The following C1orf94 variants were observed in gnomAD, a reference collection of about 807,000 sequenced individuals.
C1orf94 encodes the protein uncharacterized protein C1orf94.
Under a neutral mutation model 53.6 loss-of-function variants are expected in C1orf94, and 45 were observed. The observed-to-expected ratio is 0.84, with a 90% CI of 0.66 to 1.08. C1orf94 has a LOEUF of 1.08. Ranked by LOEUF, C1orf94 falls within the 50% of genes least tolerant of loss-of-function variation. C1orf94 has a pLI of 0.00. For synonymous variants in C1orf94, 304 were observed against 296.1 expected (o/e 1.03, Z -0.27); for missense variants, 762 against 738.9 (o/e 1.03, Z -0.36).
At chr1:34,178,795 G>A (rs1642270287) in intron 1 of C1orf94, among the ~76,000 whole-genome samples, 1 of 152,124 alleles carries the variant, frequency 6.6e-6, no homozygotes, top group African/African-American at 2.4e-5. Context: ...GAGCAGAGAG[G>A]AAAAAGGGAA....
chr1:34,217,065 G>C (rs1213198493), intron 6 of C1orf94, among the ~76,000 whole-genome samples: 4 of 152,212 alleles, frequency 2.6e-5, no homozygotes, highest in Non-Finnish European at 4.4e-5. Flanking sequence ...GGGTGACAGA[G>C]TAAGACTCTG....
chr1:34,205,593 G>A (rs1383719537), intron 4 of C1orf94, among the ~76,000 whole-genome samples: 1 of 152,202 alleles, frequency 6.6e-6, no homozygotes, highest in Non-Finnish European at 1.5e-5. Flanking sequence ...CCATGGAAGG[G>A]TAAAGACTCT....
At chr1:34,176,768 A>T (rs1319122433), upstream of C1orf94, among the ~76,000 whole-genome samples, 1 of 152,114 alleles carries the variant, frequency 6.6e-6, no homozygotes, top group African/African-American at 2.4e-5. Flanking sequence ...GCAGGAGCTG[A>T]GATTTGTGTG....
At chr1:34,185,088 A>G (rs1333131943) in intron 1 of C1orf94, among the ~76,000 whole-genome samples, 2 of 152,210 alleles carry the variant, frequency 1.3e-5, no homozygotes, top group African/African-American at 4.8e-5. Flanking sequence ...GAATGATTTC[A>G]GAGACCCCGT....
At chr1:34,179,936 G>A (rs1326140498) in intron 1 of C1orf94, among the ~76,000 whole-genome samples, 1 of 152,126 alleles carries the variant, frequency 6.6e-6, no homozygotes, top group Admixed American at 6.6e-5. Flanking sequence ...TGAAAAACAT[G>A]TTTCTGCTAT....
chr1:34,201,049 A>G lies in C1orf94; in HGVS notation c.1270+17A>G. 1 of 1,568,492 alleles carries G rather than the reference A, an allele frequency of 6.4e-7. No homozygotes were observed. Among genetic ancestry groups the G allele is most frequent in the Non-Finnish European group, 8.7e-7 (1 of 1,155,952 alleles). On this transcript the variant is annotated intron_variant, in intron 3 of 6. Transcript: ENST00000488417. ...AGCTGAAATGTGAGCTGACCTACCC[A>G]GGGAGGGATTGGAGGGGAGGGGGTT...
At chr1:34,196,187 G>A (rs918767348) in intron 1 of C1orf94, among the ~76,000 whole-genome samples, 8 of 152,262 alleles carry the variant, frequency 5.3e-5, no homozygotes, top group South Asian at 4.1e-4. Flanking sequence ...TGAGGTGGGC[G>A]GGGCCACCAG....
chr1:34,206,671 T>C (rs1329405190), intron 4 of C1orf94, among the ~76,000 whole-genome samples: 2 of 152,218 alleles, frequency 1.3e-5, no homozygotes, highest in African/African-American at 4.8e-5. Context: ...ACATGCCTAG[T>C]GGCCTTGGAG....
chr1:34,197,924 T>C lies in C1orf94; in HGVS notation c.1009+11T>C. ...GGCACCACTTGATGGGTGAGTGGGG[T>C]TGGAACTGGGGTAGAGTGGGCCTGC... On this transcript the variant is annotated intron_variant, in intron 2 of 6. Transcript: ENST00000488417. This position sits in a 1 kb window ranked among gnomAD's most constrained non-coding sequence, Gnocchi z 4.1. The C allele has an allele frequency of 1.2e-6, 2 of 1,607,384 alleles. No individual in the cohort carries two copies. The highest frequency in any genetic ancestry group is 1.7e-6 in the Non-Finnish European group (2 of 1,176,328).
chr1:34,176,316 G>T (rs931336559), upstream of C1orf94, among the ~76,000 whole-genome samples: 4 of 152,110 alleles, frequency 2.6e-5, no homozygotes, highest in African/African-American at 9.7e-5. Context: ...CAGGGGAATT[G>T]CTAGAGAAGC....
chr1:34,182,546 A>T (rs1347505719), intron 1 of C1orf94, among the ~76,000 whole-genome samples: 4 of 152,118 alleles, frequency 2.6e-5, no homozygotes, highest in African/African-American at 9.7e-5. Flanking sequence ...GGGAGGCCTA[A>T]TGGTGGCAGT....
intron 1 of C1orf94, among the ~76,000 whole-genome samples, chr1:34,194,344 G>A (rs1292188041): frequency 6.6e-6 from 1 of 152,156 alleles, no homozygotes; most frequent in Non-Finnish European, 1.5e-5. Context: ...AGGCAGAGCA[G>A]GGATTCACAC....
In C1orf94 at chr1:34,168,663, G is replaced by C. The variant is rs115139287; in HGVS notation, c.-251+1492G>C. ...GGTCGACACAGTTGGTTCCCTCTGA[G>C]GCTTCTCTCTCTGGCTTGTAGATGG... is the stretch of plus-strand genomic sequence containing the variant. On this transcript the variant is annotated intron_variant, in intron 1 of 6. Transcript: ENST00000373374. 6.1e-3 allele frequency among the ~76,000 whole-genome samples: 927 copies of C among 152,314 alleles called. 13 individuals are homozygous for C. The highest frequency in any genetic ancestry group is 0.021 in the African/African-American group (885 of 41,554).
At chr1:34,212,139 G>C (rs914478733) in intron 5 of C1orf94, 71 bp from the exon 6 acceptor site, 28 of 1,398,262 alleles carry the variant, frequency 2.0e-5, no homozygotes, top group South Asian at 5.6e-5. Flanking sequence ...CTGAGACTGG[G>C]GGTGGGTGGC....
chr1:34,206,505 G>C (rs999971041), intron 4 of C1orf94, among the ~76,000 whole-genome samples: 1 of 152,234 alleles, frequency 6.6e-6, no homozygotes. Flanking sequence ...GTATGATGCC[G>C]TGCACACACA....
At chr1:34,188,495 G>A (rs754352254) in intron 1 of C1orf94, among the ~76,000 whole-genome samples, 9 of 152,144 alleles carry the variant, frequency 5.9e-5, no homozygotes, top group Non-Finnish European at 8.8e-5. Flanking sequence ...TCCCCACTTT[G>A]CAGATGAAGA....
chr1:34,217,880 A>C (rs1019491617), intron 6 of C1orf94, among the ~76,000 whole-genome samples: 4 of 152,216 alleles, frequency 2.6e-5, no homozygotes, highest in African/African-American at 9.6e-5. Flanking sequence ...CTCTATTGTA[A>C]TTTGTATTGA....
rs1442450231 is a variant in C1orf94 at position 34,202,163 on chromosome 1, C to T, written c.1350C>T (p.Ala450=). The T allele has an allele frequency of 1.2e-6, 2 of 1,614,232 alleles. No homozygotes were observed. Among genetic ancestry groups the T allele is most frequent in the Non-Finnish European group, 1.7e-6 (2 of 1,180,034 alleles). The change falls in exon 4 of 7, where the codon GCC becomes GCT. Residue 450 remains alanine, a synonymous_variant. Coordinates refer to ENST00000488417, the MANE Select transcript of C1orf94 (RefSeq NM_001134734.2). ...TTTTCACTCCACACTTTCCTACAGC[C>T]ATGACCTCAGCAACCCTGAACCAGC... ...GNVFTPHFPT[A]MTSATLNQPL...
At chr1:34,202,637 G>A (rs1642731045) in intron 4 of C1orf94, among the ~76,000 whole-genome samples, 1 of 152,168 alleles carries the variant, frequency 6.6e-6, no homozygotes, top group South Asian at 2.1e-4. Context: ...AGAAGATGAT[G>A]TCACAGTCCT....
Sources: gnomAD v4.1 joint callset for allele counts (sites outside exome capture counted in the v4.1 genomes callset) on GRCh38, gnomAD v4.1.1 for gene constraint, Gnocchi (gnomAD v3.1) non-coding constraint, MANE v1.5 for transcripts, NCBI Gene and HGNC (gene_info 2026-07-23, HGNC 2026-07-21) for gene names.